Variants in FCMR observed in about 807,000 individuals in gnomAD.
The protein encoded by FCMR is Fc mu receptor.
A neutral mutation model predicts 41.6 loss-of-function variants in FCMR; 34 were observed. The observed-to-expected ratio is 0.82, with a 90% CI of 0.62 to 1.09. FCMR has a LOEUF of 1.09. Ranked by LOEUF, FCMR falls within the 50% of genes least tolerant of loss-of-function variation. The probability of loss-of-function intolerance (pLI) is 0.00; values close to 1 mark genes in which losing one functional copy is unlikely to be tolerated. For synonymous variants in FCMR, 209 were observed against 211.8 expected (o/e 0.99, Z 0.12); for missense variants, 496 against 512.5 (o/e 0.97, Z 0.31).
rs1679040753 is a variant in FCMR, at chr1:206,913,678, TAC to T, written c.373+79_373+80del. On this transcript the variant is annotated intron_variant, in intron 2 of 7. Transcript: ENST00000367091. ...ACAGTGTAAGAGTCTAGGAGACTGT[TAC>T]AGTTAGATGGCTGTTCCAATCTTCC... is the stretch of plus-strand genomic sequence containing the variant. The T allele has an allele frequency of 6.3e-6, 7 of 1,108,678 alleles. No homozygotes were observed. In the South Asian group the frequency reaches 9.4e-5, roughly 15 times the overall value. The allele number at this position is 1,108,678 out of a possible 1,614,324, so 68.7% of individuals were successfully genotyped here.
At chr1:206,917,913 T>C (rs770667308) in intron 1 of FCMR, 1 of 415,262 alleles carries the variant, frequency 2.4e-6, no homozygotes, top group Non-Finnish European at 4.7e-6. Context: ...TCTCCATGCC[T>C]GGCTTTGCCC....
At chr1:206,919,117 T>C (rs1481886471) in intron 1 of FCMR, among the ~76,000 whole-genome samples, 1 of 152,102 alleles carries the variant, frequency 6.6e-6, no homozygotes, top group African/African-American at 2.4e-5. Context: ...TCCTGGTATA[T>C]ACATAGTAGA....
rs779958329 is a variant in FCMR, at chr1:206,911,801, G to A, written c.639C>T (p.Ile213=). The change falls in exon 4 of 8, where the codon ATC becomes ATT. Residue 213 remains isoleucine, a synonymous_variant. Transcript: ENST00000367091. Reference sequence around the variant, plus strand: ...GCTTGAGCAGCCCCTCCAGAGCTGAGATTTTTGAGGCTGTAGTGGATGGCA... The same window carrying A: ...GCTTGAGCAGCCCCTCCAGAGCTGAAATTTTTGAGGCTGTAGTGGATGGCA... ...TFLPSTTASK[I]SALEGLLKPQ... is the part of the protein sequence containing the mutation. 1 of 1,612,660 alleles carries A rather than the reference G, an allele frequency of 6.2e-7. No individual in the cohort carries two copies. The highest frequency in any genetic ancestry group is 8.5e-7 in the Non-Finnish European group (1 of 1,179,444).
rs938449927 is a variant in FCMR, at chr1:206,909,504, G to C, written c.1002C>G (p.Pro334=). The change falls in exon 7 of 8, where the codon CCC becomes CCG. Residue 334 remains proline, a synonymous_variant. Coordinates refer to ENST00000367091, the MANE Select transcript of FCMR (RefSeq NM_005449.5). This position sits in a 1 kb window ranked among gnomAD's most constrained non-coding sequence, Gnocchi z 5.0. ...GCAACGGCGCTCCGGGGCCGGGAAC[G>C]GGGGCCTCCCCTGTGCCTAGGGAAC... is the stretch of plus-strand genomic sequence containing the variant. The part of the protein sequence containing the change: ...GADAAGTGEA[P]VPGPGAPLPP... The C allele has an allele frequency of 6.5e-5, 84 of 1,284,808 alleles. No homozygotes were observed. Among genetic ancestry groups the C allele is most frequent in the Non-Finnish European group, 7.8e-5 (79 of 1,017,440 alleles). The allele number at this position is 1,284,808 out of a possible 1,614,324, so 79.6% of individuals were successfully genotyped here.
intron 5 of FCMR, 162 bp downstream of exon 5, chr1:206,910,048 C>T (rs1473825997): frequency 5.4e-6 from 6 of 1,112,602 alleles, no homozygotes; most frequent in Middle Eastern, 3.1e-4. Flanking sequence ...GGGCCCAGGC[C>T]GCTCTCCTCC....
intron 1 of FCMR, chr1:206,921,241 A>G (rs939067955): frequency 5.2e-6 from 1 of 190,502 alleles, no homozygotes; most frequent in African/African-American, 2.3e-5. Flanking sequence ...GTACGGAGAC[A>G]CTTGCTTTAA....
intron 1 of FCMR, among the ~76,000 whole-genome samples, chr1:206,914,408 TTTCC>T (rs139929593): frequency 0.095 from 13,645 of 144,206 alleles, 1,943 homozygotes; most frequent in African/African-American, 0.3. Context: ...TCTTTCTTTC[TTTCC>T]TTCCTTCCTT....
intron 1 of FCMR, 48 bp from the exon 2 acceptor site, chr1:206,914,142 A>T: frequency 6.9e-7 from 1 of 1,439,698 alleles, no homozygotes; most frequent in Non-Finnish European, 9.7e-7. Flanking sequence ...CTCTAACTAT[A>T]TCCCAGCCCC....
Position 206,905,007 on chromosome 1 carries a change from G to C in FCMR, c.*12C>G. On this transcript the variant is annotated 3_prime_UTR_variant, in exon 8 of 8. Coordinates refer to ENST00000367091, the MANE Select transcript of FCMR (RefSeq NM_005449.5). ...AGTCCGAGCCTGGGGTTGGGGGATA[G>C]CTGGGGAGTTGTCAGGCAGGAACAT... 5 of 1,613,694 alleles carry C rather than the reference G, an allele frequency of 3.1e-6. No individual in the cohort carries two copies. The highest frequency in any genetic ancestry group is 4.2e-6 in the Non-Finnish European group (5 of 1,179,868).
At chr1:206,910,049 G>C in intron 5 of FCMR, 161 bp downstream of exon 5, 1 of 1,108,668 alleles carries the variant, frequency 9.0e-7, no homozygotes, top group Non-Finnish European at 1.2e-6. Flanking sequence ...GGCCCAGGCC[G>C]CTCTCCTCCT....
chr1:206,917,010 G>C (rs1427464491), intron 1 of FCMR, among the ~76,000 whole-genome samples: 1 of 152,218 alleles, frequency 6.6e-6, no homozygotes, highest in Non-Finnish European at 1.5e-5. Flanking sequence ...TTTCTGAGAG[G>C]CTGCTAAGTA....
intron 4 of FCMR, among the ~76,000 whole-genome samples, chr1:206,910,852 G>A (rs1678908265): frequency 6.6e-6 from 1 of 152,104 alleles, no homozygotes; most frequent in Admixed American, 6.6e-5. Flanking sequence ...CATTGTGTAA[G>A]TCCTCTTTTC....
At chr1:206,907,584 A>C (rs1277374124) in intron 7 of FCMR, 3 of 653,076 alleles carry the variant, frequency 4.6e-6, no homozygotes, top group African/African-American at 3.6e-5. Context: ...TGCGAATTAA[A>C]CAAGGGATTT....
intron 1 of FCMR, among the ~76,000 whole-genome samples, chr1:206,915,906 G>C (rs900409688): frequency 2.6e-5 from 4 of 151,836 alleles, no homozygotes; most frequent in Non-Finnish European, 4.4e-5. Context: ...GGGGCTTGAG[G>C]CTTTGGGATA....
chr1:206,908,777 G>A (rs894138795), intron 7 of FCMR, among the ~76,000 whole-genome samples: 2 of 151,982 alleles, frequency 1.3e-5, no homozygotes, highest in Non-Finnish European at 2.9e-5. Flanking sequence ...GCTTTATTCT[G>A]GGCTCTGCGT....
intron 7 of FCMR, chr1:206,906,258 G>T: frequency 7.8e-6 from 3 of 387,030 alleles, no homozygotes; most frequent in South Asian, 4.9e-5. Flanking sequence ...AATGAGAGAT[G>T]ATCAAGATAA....
Position 206,909,926 on chromosome 1 carries a change from C to A in FCMR, c.842-58G>T, listed in dbSNP as rs1426898596. ...AATGGCATCAGAGGCCCGTGCCACC[C>A]TCCCCAAACGAAAGGCTGCCTCCTC... On this transcript the variant is annotated intron_variant, in intron 5 of 7. Transcript: ENST00000367091. This position sits in a 1 kb window ranked among gnomAD's most constrained non-coding sequence, Gnocchi z 5.0. 1.2e-5 allele frequency: 16 copies of A among 1,366,698 alleles called. No individual in the cohort carries two copies. The highest frequency in any genetic ancestry group is 1.5e-5 in the African/African-American group (1 of 65,180). 84.7% of individuals were successfully genotyped at this position (1,366,698 alleles called of 1,614,324 possible). A position where few individuals can be genotyped will look rare whatever the true frequency, so the allele number is the denominator to read the frequency against.
chr1:206,907,176 T>C (rs1207946386), intron 7 of FCMR, among the ~76,000 whole-genome samples: 1 of 148,242 alleles, frequency 6.7e-6, no homozygotes, highest in Admixed American at 6.7e-5. Context: ...CTCTTCTTTG[T>C]AGCCAGGCCC....
intron 1 of FCMR, among the ~76,000 whole-genome samples, chr1:206,917,636 T>C (rs1203369361): frequency 6.6e-6 from 1 of 152,170 alleles, no homozygotes; most frequent in African/African-American, 2.4e-5. Flanking sequence ...TTCTTCTCCT[T>C]CTGTTTTTAA....
Sources: gnomAD v4.1 joint callset for allele counts (sites outside exome capture counted in the v4.1 genomes callset) on GRCh38, gnomAD v4.1.1 for gene constraint, Gnocchi (gnomAD v3.1) non-coding constraint, MANE v1.5 for transcripts, NCBI Gene and HGNC (gene_info 2026-07-23, HGNC 2026-07-21) for gene names.